The following ARHGAP24 variants were observed in gnomAD, a reference collection of about 807,000 sequenced individuals.
ARHGAP24 encodes rho GTPase-activating protein 24.
Under a neutral mutation model 76.4 loss-of-function variants are expected in ARHGAP24, and 50 were observed. The observed-to-expected ratio is 0.65, with a 90% CI of 0.52 to 0.83. The LOEUF (loss-of-function observed/expected upper bound fraction) is 0.83. Ranked by LOEUF, ARHGAP24 falls within the 40% of genes least tolerant of loss-of-function variation. The pLI, the probability that ARHGAP24 is intolerant of heterozygous loss-of-function variation, is 0.00. For missense variants in ARHGAP24, 930 were observed against 914.2 expected, an observed-to-expected ratio of 1.02 and a Z score of -0.22; for synonymous variants, 345 against 323.3, an observed-to-expected ratio of 1.07 and a Z score of -0.72.
At chr4:85,761,320 C>T (rs1315244584) in intron 3 of ARHGAP24, among the ~76,000 whole-genome samples, 1 of 152,184 alleles carries the variant, frequency 6.6e-6, no homozygotes, top group African/African-American at 2.4e-5. Flanking sequence ...CTTGCGATGG[C>T]TTCTCTTTAG....
chr4:85,477,778 C>T (rs570028692), intron 1 of ARHGAP24, among the ~76,000 whole-genome samples: 4 of 152,062 alleles, frequency 2.6e-5, no homozygotes, highest in African/African-American at 7.2e-5. Context: ...CTTTCCGGCT[C>T]GATTAAAGTC....
At chr4:85,518,597 A>G (rs1046835970) in intron 1 of ARHGAP24, among the ~76,000 whole-genome samples, 1 of 152,116 alleles carries the variant, frequency 6.6e-6, no homozygotes, top group Non-Finnish European at 1.5e-5. Flanking sequence ...GCTCCCACAT[A>G]TCAGTGAGAA....
At chr4:85,870,456 C>T (rs1732459740) in intron 3 of ARHGAP24, among the ~76,000 whole-genome samples, 1 of 152,134 alleles carries the variant, frequency 6.6e-6, no homozygotes, top group African/African-American at 2.4e-5. Context: ...GACCTTTCAT[C>T]ACTTATCTGC....
chr4:85,991,573 G>T (rs987110433), intron 8 of ARHGAP24: 1 of 152,142 alleles, frequency 6.6e-6, no homozygotes, highest in Non-Finnish European at 1.5e-5. Flanking sequence ...AAAGTGTTAT[G>T]CTAAGTGGAA....
chr4:85,888,597 CA>C (rs1553939020), intron 3 of ARHGAP24, among the ~76,000 whole-genome samples: 7 of 151,864 alleles, frequency 4.6e-5, no homozygotes, highest in Non-Finnish European at 1.0e-4. Context: ...CCATCTTGGA[CA>C]CCAAATTGTT....
intron 1 of ARHGAP24, among the ~76,000 whole-genome samples, chr4:85,488,256 C>T (rs550984906): frequency 5.3e-5 from 8 of 152,088 alleles, no homozygotes; most frequent in African/African-American, 1.7e-4. Context: ...TTAACACCTC[C>T]TGTGGAGAGG....
chr4:85,603,936 G>C (rs140159492), intron 2 of ARHGAP24, among the ~76,000 whole-genome samples: 1 of 152,164 alleles, frequency 6.6e-6, no homozygotes, highest in African/African-American at 2.4e-5. Context: ...CTAAGTTGCT[G>C]CCTGGTAATG....
At chr4:85,962,237 A>G (rs551704767) in intron 5 of ARHGAP24, among the ~76,000 whole-genome samples, 3 of 152,100 alleles carry the variant, frequency 2.0e-5, no homozygotes, top group Admixed American at 6.6e-5. Flanking sequence ...TAAACTCTCA[A>G]TGAAAAAATA....
At chr4:85,573,825 G>C (rs1353391430) in intron 2 of ARHGAP24, among the ~76,000 whole-genome samples, 1 of 152,134 alleles carries the variant, frequency 6.6e-6, no homozygotes, top group African/African-American at 2.4e-5. Context: ...TCACTTTCTT[G>C]CTTCTAGATC....
intron 2 of ARHGAP24, among the ~76,000 whole-genome samples, chr4:85,626,947 C>G (rs1461274362): frequency 6.6e-6 from 1 of 152,158 alleles, no homozygotes; most frequent in African/African-American, 2.4e-5. Context: ...ATGGACTTCT[C>G]TGCATTGGTT....
At chr4:85,912,210 A>G (rs1279940412) in intron 3 of ARHGAP24, among the ~76,000 whole-genome samples, 1 of 152,122 alleles carries the variant, frequency 6.6e-6, no homozygotes, top group Admixed American at 6.5e-5. Flanking sequence ...AAATACCAAT[A>G]TTTTTCTCCA....
intron 1 of ARHGAP24, among the ~76,000 whole-genome samples, chr4:85,564,293 C>T (rs1462668100): frequency 7.1e-6 from 1 of 141,526 alleles, no homozygotes; most frequent in Non-Finnish European, 1.5e-5. Flanking sequence ...GCTGCAAGGA[C>T]AAAAAAAACA....
intron 2 of ARHGAP24, among the ~76,000 whole-genome samples, chr4:85,707,560 AAC>A (rs1724365511): frequency 6.6e-6 from 1 of 152,214 alleles, no homozygotes; most frequent in South Asian, 2.1e-4. Flanking sequence ...CTTCTGGATA[AAC>A]ACATAGGTAA....
intron 2 of ARHGAP24, among the ~76,000 whole-genome samples, chr4:85,658,095 A>T (rs559988158): frequency 6.6e-6 from 1 of 152,138 alleles, no homozygotes. Context: ...TTGCATTCTC[A>T]TTGGTCAATT....
chr4:85,602,709 A>G lies in ARHGAP24; in HGVS notation c.180+31988A>G, dbSNP rs144282022. ...CCAGAATTATGTAATGCATTTTCTC[A>G]TACTTAATTCTCAGTGGTTTTAATT... On this transcript the variant is annotated intron_variant, in intron 2 of 9. Transcript: ENST00000395184. Among the ~76,000 whole-genome samples, 220 of 152,298 alleles carry G rather than the reference A, an allele frequency of 1.4e-3. 1 individual carries two copies. Among genetic ancestry groups the G allele is most frequent in the African/African-American group, 4.8e-3 (201 of 41,562 alleles).
intron 3 of ARHGAP24, among the ~76,000 whole-genome samples, chr4:85,849,315 T>C (rs1034142590): frequency 2.0e-5 from 3 of 151,464 alleles, no homozygotes; most frequent in African/African-American, 7.3e-5. Context: ...GAGACTTTGC[T>C]GAAGTTGCTT....
chr4:85,501,987 C>G (rs182169298), intron 1 of ARHGAP24, among the ~76,000 whole-genome samples: 1 of 152,226 alleles, frequency 6.6e-6, no homozygotes, highest in East Asian at 1.9e-4. Flanking sequence ...GGAATCCTTT[C>G]CCCATTTCTT....
intron 3 of ARHGAP24, among the ~76,000 whole-genome samples, chr4:85,816,248 C>G (rs1341429053): frequency 6.6e-6 from 1 of 152,176 alleles, no homozygotes; most frequent in South Asian, 2.1e-4. Context: ...CATTAGGTCT[C>G]CAGAACATAT....
intron 2 of ARHGAP24, among the ~76,000 whole-genome samples, chr4:85,665,378 T>C (rs1374223476): frequency 6.6e-6 from 1 of 152,168 alleles, no homozygotes; most frequent in Admixed American, 6.6e-5. Context: ...TAGATCTTCC[T>C]CCATCCTTTT....
Sources: allele counts gnomAD v4.1 joint callset (sites outside exome capture counted in the v4.1 genomes callset), GRCh38; gene constraint gnomAD v4.1.1; transcripts MANE v1.5; gene names NCBI Gene and HGNC (gene_info 2026-07-23, HGNC 2026-07-21).